Variants in MTUS1 observed in about 807,000 individuals in gnomAD.
MTUS1 encodes the protein microtubule-associated tumor suppressor 1.
A neutral mutation model predicts 120.8 loss-of-function variants in MTUS1; 109 were observed. The observed-to-expected ratio is 0.90, with a 90% CI of 0.77 to 1.06. The LOEUF is 1.06. Ranked by LOEUF, MTUS1 falls within the 50% of genes least tolerant of loss-of-function variation. MTUS1 has a pLI of 0.00. For missense variants in MTUS1, 2,210 were observed against 1,486.3 expected (o/e 1.49, Z -8.01); for synonymous variants, 737 against 550.5 (o/e 1.34, Z -4.74).
At chr8:17,689,744 C>G (rs1180267152) in intron 6 of MTUS1, among the ~76,000 whole-genome samples, 1 of 152,120 alleles carries the variant, frequency 6.6e-6, no homozygotes, top group Non-Finnish European at 1.5e-5. Context: ...ATGCTTACAG[C>G]TAATTGATCT....
At chr8:17,661,698 C>A (rs1047447560) in intron 8 of MTUS1, among the ~76,000 whole-genome samples, 1 of 149,354 alleles carries the variant, frequency 6.7e-6, no homozygotes, top group Non-Finnish European at 1.5e-5. Flanking sequence ...AGAGAGGACA[C>A]ATGGGAAGAA....
intron 1 of MTUS1, among the ~76,000 whole-genome samples, chr8:17,793,281 G>A (rs918894718): frequency 2.0e-5 from 3 of 152,260 alleles, no homozygotes; most frequent in South Asian, 4.1e-4. Flanking sequence ...GCACCTTCCA[G>A]CTCTGATGCT....
chr8:17,737,680 TCTCA>T (rs944097864), intron 3 of MTUS1, among the ~76,000 whole-genome samples: 1 of 152,110 alleles, frequency 6.6e-6, no homozygotes, highest in African/African-American at 2.4e-5. Context: ...AAAGACAGGG[TCTCA>T]CTCTGTTGCC....
chr8:17,658,790 T>C (rs975096523), intron 8 of MTUS1, among the ~76,000 whole-genome samples: 2 of 152,162 alleles, frequency 1.3e-5, no homozygotes, highest in Admixed American at 1.3e-4. Context: ...GTCAACTTGT[T>C]ATCTCAGGAA....
chr8:17,790,253 T>C (rs951534815), intron 1 of MTUS1, among the ~76,000 whole-genome samples: 7 of 150,302 alleles, frequency 4.7e-5, no homozygotes. Context: ...GAGGCTGAGG[T>C]AGGAGAACTG....
chr8:17,657,539 G>A lies in MTUS1; in HGVS notation c.2906-1474C>T, dbSNP rs181546314. On this transcript the variant is annotated intron_variant, in intron 8 of 14. Transcript: ENST00000693296. ...GCCGAGATCCCGCCACTGCACTCCA[G>A]CCTGGGCGACAGAGAGAGACTCCGT... 6.1e-3 allele frequency among the ~76,000 whole-genome samples: 926 copies of A among 150,722 alleles called. 10 individuals are homozygous for A. Among genetic ancestry groups the A allele is most frequent in the African/African-American group, 0.021 (879 of 40,976 alleles).
intron 1 of MTUS1, among the ~76,000 whole-genome samples, chr8:17,775,633 A>C (rs1449688480): frequency 1.3e-5 from 2 of 152,256 alleles, no homozygotes; most frequent in African/African-American, 2.4e-5. Context: ...CATAAAAGAG[A>C]CATTATATCA....
chr8:17,782,116 T>G (rs776884335), intron 1 of MTUS1, among the ~76,000 whole-genome samples: 1 of 152,236 alleles, frequency 6.6e-6, no homozygotes, highest in Non-Finnish European at 1.5e-5. Flanking sequence ...TACTCATACA[T>G]GGATTTTAGC....
At chr8:17,761,611 A>G (rs2049043436) in intron 1 of MTUS1, among the ~76,000 whole-genome samples, 1 of 152,236 alleles carries the variant, frequency 6.6e-6, no homozygotes, top group African/African-American at 2.4e-5. Context: ...CTAGCTTAAT[A>G]ATTTGGACCT....
chr8:17,661,137 C>A (rs1363763103), intron 8 of MTUS1, among the ~76,000 whole-genome samples: 1 of 152,144 alleles, frequency 6.6e-6, no homozygotes, highest in East Asian at 1.9e-4. Context: ...CGAGTAAACA[C>A]TGCATTAGCT....
chr8:17,713,645 G>C (rs1302698567), intron 5 of MTUS1, among the ~76,000 whole-genome samples: 1 of 152,202 alleles, frequency 6.6e-6, no homozygotes, highest in Non-Finnish European at 1.5e-5. Flanking sequence ...ACTCCCGTGT[G>C]CTTTCCGAAA....
chr8:17,737,034 C>A (rs549916934), intron 3 of MTUS1, among the ~76,000 whole-genome samples: 1 of 152,324 alleles, frequency 6.6e-6, no homozygotes. Context: ...TTAGCACAAA[C>A]CAGCCTTCCC....
chr8:17,697,735 C>T, intron 6 of MTUS1: 2 of 995,610 alleles, frequency 2.0e-6, no homozygotes, highest in South Asian at 4.7e-5. Context: ...AGTGGGTGGT[C>T]TCAGGAGCTT....
intron 3 of MTUS1, among the ~76,000 whole-genome samples, chr8:17,726,099 T>C (rs1033211840): frequency 2.0e-5 from 3 of 152,162 alleles, no homozygotes; most frequent in African/African-American, 4.8e-5. Flanking sequence ...AACGGCCTCC[T>C]TTCTATCCCC....
intron 6 of MTUS1, among the ~76,000 whole-genome samples, chr8:17,694,054 G>A (rs1817482830): frequency 6.6e-6 from 1 of 152,210 alleles, no homozygotes; most frequent in African/African-American, 2.4e-5. Context: ...TTATACAAAA[G>A]TGTTCATATT....
At chr8:17,759,037 A>G (rs913879590) in intron 1 of MTUS1, among the ~76,000 whole-genome samples, 2 of 151,968 alleles carry the variant, frequency 1.3e-5, no homozygotes, top group East Asian at 1.9e-4. Context: ...GCCCGCCACC[A>G]TGCCCGGCTC....
intron 1 of MTUS1, among the ~76,000 whole-genome samples, chr8:17,793,963 A>T (rs571553109): frequency 2.0e-5 from 3 of 152,314 alleles, no homozygotes; most frequent in African/African-American, 7.2e-5. Context: ...AAAGAGGTCA[A>T]ATTCTTTTTT....
chr8:17,727,995 A>G (rs2046327736), intron 3 of MTUS1, among the ~76,000 whole-genome samples: 1 of 152,248 alleles, frequency 6.6e-6, no homozygotes, highest in Non-Finnish European at 1.5e-5. Flanking sequence ...TAAGTATACT[A>G]TATTTAACAA....
chr8:17,714,736 A>G (rs1821979114), intron 5 of MTUS1, among the ~76,000 whole-genome samples: 1 of 152,154 alleles, frequency 6.6e-6, no homozygotes, highest in Non-Finnish European at 1.5e-5. Flanking sequence ...GAAATGTGAC[A>G]GCAATTGCTG....
Sources: gnomAD v4.1 joint callset for allele counts (sites outside exome capture counted in the v4.1 genomes callset) on GRCh38, gnomAD v4.1.1 for gene constraint, MANE v1.5 for transcripts, NCBI Gene and HGNC (gene_info 2026-07-23, HGNC 2026-07-21) for gene names.